RSPO2: variants seen among roughly 807,000 people sequenced by gnomAD.
RSPO2 encodes R-spondin 2.
A neutral mutation model predicts 30.9 loss-of-function variants in RSPO2; 14 were observed. The observed-to-expected ratio is 0.45, with a 90% CI of 0.30 to 0.71. The LOEUF is 0.71. Ranked by LOEUF, RSPO2 falls within the 30% of genes least tolerant of loss-of-function variation. The pLI, the probability that RSPO2 is intolerant of heterozygous loss-of-function variation, is 0.08. For synonymous variants in RSPO2, 107 were observed against 96.4 expected, an observed-to-expected ratio of 1.11 and a Z score of -0.64; for missense variants, 264 against 301.9, an observed-to-expected ratio of 0.87 and a Z score of 0.93.
chr8:107,899,711 G>A lies in RSPO2; in HGVS notation c.*1364C>T, dbSNP rs1811379828. ...TCTAATTTTCTCCTGGATCAGCCAG[G>A]AAGATAATCATGCTTTGTGAAAAAG... On this transcript the variant is annotated 3_prime_UTR_variant, in exon 6 of 6. Transcript: ENST00000276659. 6.6e-6 allele frequency: 1 copy of A among 152,352 alleles called. No homozygotes were observed. Among genetic ancestry groups the A allele is most frequent in the Admixed American group, 6.5e-5 (1 of 15,278 alleles). 9.4% of individuals were successfully genotyped at this position (152,352 alleles called of 1,614,324 possible).
At chr8:107,963,022 T>C (rs1813680830) in intron 3 of RSPO2, among the ~76,000 whole-genome samples, 1 of 152,168 alleles carries the variant, frequency 6.6e-6, no homozygotes, top group African/African-American at 2.4e-5. Context: ...TACCAGTTCA[T>C]AGAATATGGA....
intron 2 of RSPO2, among the ~76,000 whole-genome samples, chr8:108,021,982 T>C (rs529028364): frequency 6.6e-6 from 1 of 152,214 alleles, no homozygotes; most frequent in Admixed American, 6.5e-5. Flanking sequence ...ACTTCTATCA[T>C]CAAAAAGGAG....
At chr8:108,034,191 G>A (rs1488761668) in intron 2 of RSPO2, among the ~76,000 whole-genome samples, 1 of 150,596 alleles carries the variant, frequency 6.6e-6, no homozygotes, top group Non-Finnish European at 1.5e-5. Context: ...ATGAGGTTCT[G>A]GGGGTTTTTT....
chr8:108,070,187 C>T (rs1274319758), intron 2 of RSPO2, among the ~76,000 whole-genome samples: 7 of 151,042 alleles, frequency 4.6e-5, no homozygotes, highest in African/African-American at 1.7e-4. Flanking sequence ...AGCTGAGAGT[C>T]GTGGCACATG....
At position 108,083,490 on chromosome 8, in the gene RSPO2, T is replaced by A. The variant is rs1258519549; in HGVS notation, c.-463A>T. On this transcript the variant is annotated 5_prime_UTR_variant, in exon 1 of 6. Transcript: ENST00000276659. ...CTCCCTAACCAATTGTGTCGCTTCC[T>A]GCGCTTTCTCCACGGTCACTTCACA... The A allele has an allele frequency of 6.6e-6, 1 of 152,360 alleles. No homozygotes were observed. Among genetic ancestry groups the A allele is most frequent in the Non-Finnish European group, 1.5e-5 (1 of 68,130 alleles). The allele number at this position is 152,360 out of a possible 1,614,324, so 9.4% of individuals were successfully genotyped here. A position where few individuals can be genotyped will look rare whatever the true frequency, so the allele number is the denominator to read the frequency against.
chr8:107,968,206 T>A (rs1334972991), intron 3 of RSPO2, among the ~76,000 whole-genome samples: 1 of 152,066 alleles, frequency 6.6e-6, no homozygotes, highest in Non-Finnish European at 1.5e-5. Context: ...TGCCCACCAA[T>A]GGATGAAAGG....
chr8:108,016,552 C>T (rs1418215863), intron 2 of RSPO2, among the ~76,000 whole-genome samples: 1 of 152,150 alleles, frequency 6.6e-6, no homozygotes, highest in Non-Finnish European at 1.5e-5. Flanking sequence ...AAAAAAACCA[C>T]CTTCAGAGAA....
intron 2 of RSPO2, among the ~76,000 whole-genome samples, chr8:108,076,525 A>G (rs192355635): frequency 6.6e-6 from 1 of 152,346 alleles, no homozygotes; most frequent in Admixed American, 6.5e-5. Context: ...CTAATCCGAT[A>G]TAGTTTAGGC....
intron 2 of RSPO2, among the ~76,000 whole-genome samples, chr8:108,041,168 CACA>C (rs571545536): frequency 1.1e-3 from 117 of 108,474 alleles, no homozygotes; most frequent in Admixed American, 1.9e-3. Context: ...TTTTTCTCCT[CACA>C]ACATTTTAGA....
In RSPO2 at chr8:107,900,980, G is replaced by C; in HGVS notation, c.*95C>G. On this transcript the variant is annotated 3_prime_UTR_variant, in exon 6 of 6. Transcript: ENST00000276659. ...CTGGGAACAGATACTGGGCAGAGCA[G>C]CACAAAGGCTGCACACCAGTGTGCA... is the stretch of plus-strand genomic sequence containing the variant. 7.5e-7 allele frequency: 1 copy of C among 1,337,400 alleles called. No individual in the cohort carries two copies. The highest frequency in any genetic ancestry group is 1.4e-5 in the South Asian group (1 of 71,878). 82.8% of individuals were successfully genotyped at this position (1,337,400 alleles called of 1,614,324 possible).
At chr8:108,079,432 TAG>T (rs1813116032) in intron 2 of RSPO2, among the ~76,000 whole-genome samples, 2 of 152,188 alleles carry the variant, frequency 1.3e-5, no homozygotes, top group Admixed American at 6.5e-5. Context: ...TGTCCAAAAG[TAG>T]AGACGGTCAA....
intron 2 of RSPO2, among the ~76,000 whole-genome samples, chr8:108,064,246 C>T (rs1339877805): frequency 1.3e-5 from 2 of 152,082 alleles, no homozygotes; most frequent in African/African-American, 4.8e-5. Flanking sequence ...AACAGGCAAC[C>T]TACAGAATGG....
intron 2 of RSPO2, among the ~76,000 whole-genome samples, chr8:108,067,428 TACA>T (rs1213363023): frequency 1.3e-5 from 2 of 152,242 alleles, no homozygotes; most frequent in Admixed American, 1.3e-4. Flanking sequence ...CGATTTTCTT[TACA>T]ACATTTCAGC....
intron 2 of RSPO2, among the ~76,000 whole-genome samples, chr8:108,039,142 C>T (rs1436993429): frequency 6.6e-6 from 1 of 152,176 alleles, no homozygotes; most frequent in East Asian, 1.9e-4. Context: ...TTTATTCTCT[C>T]TTTCACTATG....
At chr8:108,071,353 A>G (rs1812838282) in intron 2 of RSPO2, among the ~76,000 whole-genome samples, 1 of 152,180 alleles carries the variant, frequency 6.6e-6, no homozygotes, top group South Asian at 2.1e-4. Flanking sequence ...TAACTTACTG[A>G]CCACCAGGAG....
intron 2 of RSPO2, among the ~76,000 whole-genome samples, chr8:108,042,879 G>A (rs1177348392): frequency 2.0e-5 from 3 of 151,988 alleles, no homozygotes; most frequent in African/African-American, 4.8e-5. Context: ...CATGATAGCT[G>A]TAAGAGCTTC....
chr8:108,030,449 C>G (rs1452040129), intron 2 of RSPO2, among the ~76,000 whole-genome samples: 1 of 152,186 alleles, frequency 6.6e-6, no homozygotes, highest in Non-Finnish European at 1.5e-5. Flanking sequence ...CCCTAAATGA[C>G]TTCATGGGCC....
intron 5 of RSPO2, among the ~76,000 whole-genome samples, chr8:107,950,790 A>G (rs1813217740): frequency 6.6e-6 from 1 of 152,064 alleles, no homozygotes; most frequent in Non-Finnish European, 1.5e-5. Flanking sequence ...TCTGTTACAC[A>G]AAGTAATTTT....
At chr8:108,074,431 C>T (rs1175091226) in intron 2 of RSPO2, among the ~76,000 whole-genome samples, 1 of 152,254 alleles carries the variant, frequency 6.6e-6, no homozygotes, top group South Asian at 2.1e-4. Context: ...TACACACATG[C>T]ACACACACAT....
Sources: allele counts gnomAD v4.1 joint callset (sites outside exome capture counted in the v4.1 genomes callset), GRCh38; gene constraint gnomAD v4.1.1; transcripts MANE v1.5; gene names NCBI Gene and HGNC (gene_info 2026-07-23, HGNC 2026-07-21).